Variants in CLMP observed in about 807,000 individuals in gnomAD.
The protein encoded by CLMP is CXADR-like membrane protein.
CLMP carries 27 observed loss-of-function variants against 45.2 expected under a neutral mutation model. The observed-to-expected ratio is 0.60, with a 90% CI of 0.44 to 0.82. CLMP has a LOEUF of 0.82. Among genes scored for constraint, CLMP ranks in the 40% least tolerant of loss-of-function variants. The pLI, the probability that CLMP is intolerant of heterozygous loss-of-function variation, is 0.00. For synonymous variants in CLMP, 167 were observed against 171.4 expected (o/e 0.97, Z 0.20); for missense variants, 403 against 448.4 (o/e 0.90, Z 0.91).
At chr11:123,150,531 A>G (rs796224939) in intron 1 of CLMP, among the ~76,000 whole-genome samples, 1,198 of 84,358 alleles carry the variant, frequency 0.014, 13 homozygotes, top group East Asian at 0.042. Context: ...AAGGAAGGAA[A>G]GAAACAAGCA....
chr11:123,172,944 T>C (rs922777748), intron 1 of CLMP, among the ~76,000 whole-genome samples: 1 of 152,238 alleles, frequency 6.6e-6, no homozygotes, highest in Non-Finnish European at 1.5e-5. Flanking sequence ...ACTAATAATG[T>C]ATGAGCACTT....
intron 1 of CLMP, among the ~76,000 whole-genome samples, chr11:123,168,137 T>A (rs1861583152): frequency 6.6e-6 from 1 of 152,174 alleles, no homozygotes. Flanking sequence ...GGGTTAAACA[T>A]CTGCCACCAT....
At chr11:123,172,935 C>T (rs2135542289) in intron 1 of CLMP, among the ~76,000 whole-genome samples, 1 of 152,330 alleles carries the variant, frequency 6.6e-6, no homozygotes, top group Non-Finnish European at 1.5e-5. Context: ...TTGCACCCCA[C>T]TAATAATGTA....
chr11:123,149,359 G>T (rs1195712022), intron 1 of CLMP, among the ~76,000 whole-genome samples: 2 of 152,190 alleles, frequency 1.3e-5, no homozygotes, highest in Non-Finnish European at 2.9e-5. Flanking sequence ...TCCCGCAGCA[G>T]CCCTGGGAAA....
intron 1 of CLMP, among the ~76,000 whole-genome samples, chr11:123,184,522 G>A (rs183841279): frequency 2.8e-4 from 43 of 152,262 alleles, no homozygotes; most frequent in East Asian, 2.7e-3. Flanking sequence ...CTGGCGAGGC[G>A]GAAGCAAAAG....
intron 1 of CLMP, among the ~76,000 whole-genome samples, chr11:123,119,052 CCTCT>C (rs759949891): frequency 0.067 from 1,290 of 19,382 alleles, 124 homozygotes; most frequent in East Asian, 0.12. Flanking sequence ...TCTCCCTCTC[CCTCT>C]CTCTCTCTCT....
At chr11:123,143,180 A>C (rs7111324) in intron 1 of CLMP, among the ~76,000 whole-genome samples, 3,382 of 152,274 alleles carry the variant, frequency 0.022, 101 homozygotes, top group African/African-American at 0.076. Context: ...GCCTGAGAGC[A>C]GGAGCCACGT....
chr11:123,118,218 C>T (rs1860742547), intron 1 of CLMP, among the ~76,000 whole-genome samples: 1 of 152,150 alleles, frequency 6.6e-6, no homozygotes, highest in South Asian at 2.1e-4. Flanking sequence ...CAACCTCTGC[C>T]TCCGGAGTTC....
At position 123,083,148 on chromosome 11, in the gene CLMP, ACAGTC is replaced by A; in HGVS notation, c.611_615del (p.Gly204ValfsTer60). On this transcript the variant is annotated frameshift_variant, in exon 5 of 7. Transcript: ENST00000448775. LOFTEE classifies it high-confidence loss of function. Reference sequence around the variant, plus strand: ...GCTTCGTTGCCTGCTGTGCACTGGTACAGTCCAGAGTAGGACATGGTAAGATTCTG... The same window carrying A: ...GCTTCGTTGCCTGCTGTGCACTGGTACAGAGTAGGACATGGTAAGATTCTG... 6.2e-7 allele frequency: 1 copy of A among 1,614,106 alleles called. No homozygotes were observed. Among genetic ancestry groups the A allele is most frequent in the Non-Finnish European group, 8.5e-7 (1 of 1,179,940 alleles).
intron 1 of CLMP, among the ~76,000 whole-genome samples, chr11:123,135,259 C>CAAA (rs529613516): frequency 0.034 from 2,987 of 89,012 alleles, 150 homozygotes; most frequent in African/African-American, 0.11. Context: ...GACTCCGTCT[C>CAAA]AAAAAAAAAA....
chr11:123,122,646 AT>A (rs1398522981), intron 1 of CLMP, among the ~76,000 whole-genome samples: 1 of 152,220 alleles, frequency 6.6e-6, no homozygotes, highest in Non-Finnish European at 1.5e-5. Flanking sequence ...CGAGAACCTT[AT>A]CTGGGAAAAA....
At chr11:123,096,183 A>G (rs1865986713) in intron 2 of CLMP, among the ~76,000 whole-genome samples, 1 of 152,036 alleles carries the variant, frequency 6.6e-6, no homozygotes, top group African/African-American at 2.4e-5. Context: ...GCGACACTCA[A>G]TCTCTACTAA....
In CLMP at chr11:123,135,220, A is replaced by T. The variant is rs1044156756; in HGVS notation, c.29-37268T>A. ...GGTTGCAGTGAGCCAAGACCATGCCATTGCACTCTAGCCTGGGTGATAGAA... is the reference window on the plus strand; with the variant it reads ...GGTTGCAGTGAGCCAAGACCATGCCTTTGCACTCTAGCCTGGGTGATAGAA... On this transcript the variant is annotated intron_variant, in intron 1 of 6. Coordinates refer to ENST00000448775, the MANE Select transcript of CLMP (RefSeq NM_024769.5). 4.7e-5 allele frequency among the ~76,000 whole-genome samples: 7 copies of T among 149,750 alleles called. No homozygotes were observed. In the Admixed American group the frequency reaches 4.7e-4, roughly 10 times the overall value.
chr11:123,152,048 C>G (rs1565398169), intron 1 of CLMP, among the ~76,000 whole-genome samples: 1 of 152,160 alleles, frequency 6.6e-6, no homozygotes, highest in Non-Finnish European at 1.5e-5. Context: ...GCTGGTAAAG[C>G]AATTTAAACT....
In CLMP at chr11:123,097,846, G is replaced by A. The variant is rs1866008437; in HGVS notation, c.135C>T (p.Asp45=). Residue 45 remains aspartate (D), a synonymous_variant, in exon 2 of 7, where the codon GAC becomes GAT. Transcript: ENST00000448775. ...TGAGCAGCCATTCAATATCCAGAGT[G>A]TCTTTTTCTGGAAGCCCCAGTTGAT... ...CHHQLGLPEK[D]TLDIEWLLTD... The A allele has an allele frequency of 6.2e-7, 1 of 1,610,204 alleles. No homozygotes were observed. The highest frequency in any genetic ancestry group is 1.7e-5 in the Admixed American group (1 of 59,476).
rs75831739 is a variant in CLMP, at chr11:123,181,877, C to T, written c.28+13036G>A. ...TTTGTCTGAAACAGCTCGAACTGAACGGATGAACACATTCATTTCCAGGCC... is the reference window on the plus strand; with the variant it reads ...TTTGTCTGAAACAGCTCGAACTGAATGGATGAACACATTCATTTCCAGGCC... On this transcript the variant is annotated intron_variant, in intron 1 of 6. Transcript: ENST00000448775. 1.1e-3 allele frequency among the ~76,000 whole-genome samples: 161 copies of T among 152,306 alleles called. 2 individuals are homozygous for T. The East Asian group carries it at 0.029, about 28-fold the overall frequency.
chr11:123,119,593 A>G (rs1860784719), intron 1 of CLMP, among the ~76,000 whole-genome samples: 1 of 152,146 alleles, frequency 6.6e-6, no homozygotes, highest in South Asian at 2.1e-4. Context: ...ACATTCAAAC[A>G]GAACAAAATA....
chr11:123,138,953 G>C (rs1359139796), intron 1 of CLMP, among the ~76,000 whole-genome samples: 1 of 152,010 alleles, frequency 6.6e-6, no homozygotes, highest in East Asian at 1.9e-4. Context: ...ACTGCGCCTG[G>C]ACTCTTCTAA....
chr11:123,157,580 A>T (rs924157844), intron 1 of CLMP, among the ~76,000 whole-genome samples: 4 of 152,042 alleles, frequency 2.6e-5, no homozygotes, highest in South Asian at 4.2e-4. Flanking sequence ...TTAGCTGGGC[A>T]TGGTGGTAGT....
Sources: gnomAD v4.1 joint callset for allele counts (sites outside exome capture counted in the v4.1 genomes callset) on GRCh38, gnomAD v4.1.1 for gene constraint, MANE v1.5 for transcripts, NCBI Gene and HGNC (gene_info 2026-07-23, HGNC 2026-07-21) for gene names.